Variants in AGPS observed in about 807,000 individuals in gnomAD.
AGPS encodes the protein alkylglycerone phosphate synthase.
In AGPS, 26 loss-of-function variants were observed where a neutral mutation model predicts 90.7. The ratio of observed to expected loss-of-function variants is 0.29; its 90% CI spans 0.21 to 0.40. The LOEUF (loss-of-function observed/expected upper bound fraction) is 0.40. Ranked by LOEUF, AGPS falls within the 10% of genes least tolerant of loss-of-function variation. The pLI is 1.00. For missense variants in AGPS, 540 were observed against 816.1 expected (o/e 0.66, Z 4.12); for synonymous variants, 294 against 285.3 (o/e 1.03, Z -0.31).
intron 8 of AGPS, among the ~76,000 whole-genome samples, chr2:177,459,131 A>T (rs1393508569): frequency 6.6e-6 from 1 of 152,216 alleles, no homozygotes; most frequent in Non-Finnish European, 1.5e-5. Context: ...CAGAAAACTG[A>T]AACTGGACCC....
intron 1 of AGPS, among the ~76,000 whole-genome samples, chr2:177,415,847 A>G (rs1250234020): frequency 6.6e-6 from 1 of 152,158 alleles, no homozygotes; most frequent in Non-Finnish European, 1.5e-5. Flanking sequence ...TCTCTAGGAA[A>G]TCACAATATT....
intron 9 of AGPS, among the ~76,000 whole-genome samples, chr2:177,464,973 AT>A (rs1357699353): frequency 6.6e-6 from 1 of 152,232 alleles, no homozygotes; most frequent in African/African-American, 2.4e-5. Flanking sequence ...TTAGAAACTT[AT>A]TTTTTATTTA....
At chr2:177,501,517 A>G (rs1349016184) in intron 14 of AGPS, among the ~76,000 whole-genome samples, 1 of 152,192 alleles carries the variant, frequency 6.6e-6, no homozygotes, top group Admixed American at 6.5e-5. Context: ...TAATTGTTGA[A>G]TGAATGAATG....
At chr2:177,462,418 A>G (rs1408609655) in intron 9 of AGPS, among the ~76,000 whole-genome samples, 1 of 151,480 alleles carries the variant, frequency 6.6e-6, no homozygotes, top group Non-Finnish European at 1.5e-5. Context: ...AAAAAGAAAA[A>G]GAGTTGGATG....
At chr2:177,488,358 G>A (rs1051367397) in intron 11 of AGPS, among the ~76,000 whole-genome samples, 4 of 151,752 alleles carry the variant, frequency 2.6e-5, no homozygotes, top group East Asian at 3.9e-4. Context: ...GACTACAGGC[G>A]CCCGCCACCA....
intron 17 of AGPS, among the ~76,000 whole-genome samples, chr2:177,514,884 T>C (rs1688979292): frequency 6.6e-6 from 1 of 152,070 alleles, no homozygotes; most frequent in Non-Finnish European, 1.5e-5. Context: ...AGTAGCCGTT[T>C]CTGCTTCTGT....
intron 1 of AGPS, among the ~76,000 whole-genome samples, chr2:177,412,654 C>T (rs114781683): frequency 0.021 from 3,222 of 152,206 alleles, 51 homozygotes; most frequent in Non-Finnish European, 0.031. Context: ...CAAAATGTTA[C>T]CAGGGTGTCC....
intron 8 of AGPS, among the ~76,000 whole-genome samples, chr2:177,453,848 C>T (rs539438570): frequency 2.7e-5 from 4 of 146,768 alleles, no homozygotes; most frequent in South Asian, 2.2e-4. Flanking sequence ...CCACCATGCC[C>T]GGCTAATTTT....
rs1686575547 is a variant in AGPS at position 177,440,657 on chromosome 2, A to G, written c.638-308A>G. ...TTGAATAAGGTCTGTAGATTAGTTT[A>G]TTGTATTGTATCAGTGTTGATTGCT... On this transcript the variant is annotated intron_variant, in intron 5 of 19. Transcript: ENST00000264167. Among the ~76,000 whole-genome samples the G allele has an allele frequency of 1.3e-5, 2 of 152,270 alleles. 1 individual carries two copies. The highest frequency in any genetic ancestry group is 4.1e-4 in the South Asian group (2 of 4,828).
At chr2:177,537,793 A>C (rs570509221) in intron 19 of AGPS, among the ~76,000 whole-genome samples, 50 of 152,152 alleles carry the variant, frequency 3.3e-4, no homozygotes, top group African/African-American at 1.1e-3. Context: ...TCATTTTGTT[A>C]TTTGTAAAAT....
chr2:177,411,908 G>A (rs925857915), intron 1 of AGPS, among the ~76,000 whole-genome samples: 3 of 152,122 alleles, frequency 2.0e-5, no homozygotes, highest in Admixed American at 6.5e-5. Context: ...GGTAGAAATC[G>A]GGGGAGGAGA....
chr2:177,436,048 T>C (rs1686398482), intron 3 of AGPS, among the ~76,000 whole-genome samples: 1 of 152,124 alleles, frequency 6.6e-6, no homozygotes, highest in Non-Finnish European at 1.5e-5. Context: ...TTGTGAGTTT[T>C]AAAGCAGCTC....
intron 7 of AGPS, among the ~76,000 whole-genome samples, chr2:177,445,254 TAGAC>T (rs1206766682): frequency 2.0e-5 from 3 of 152,254 alleles, no homozygotes; most frequent in African/African-American, 7.2e-5. Flanking sequence ...ACAATAAGCT[TAGAC>T]AGTTAAATAA....
At chr2:177,492,092 A>G (rs1455501898) in intron 11 of AGPS, among the ~76,000 whole-genome samples, 1 of 151,722 alleles carries the variant, frequency 6.6e-6, no homozygotes, top group Non-Finnish European at 1.5e-5. Flanking sequence ...ATCCCCTCCC[A>G]TTTTCTGATA....
chr2:177,513,973 G>A, intron 17 of AGPS, 65 bp downstream of exon 17: 6 of 1,230,716 alleles, frequency 4.9e-6, no homozygotes, highest in Non-Finnish European at 7.2e-6. Context: ...AATCAAGGGG[G>A]GGAATATAAT....
intron 19 of AGPS, among the ~76,000 whole-genome samples, chr2:177,526,197 ACAAAG>A (rs2079086113): frequency 6.6e-6 from 1 of 151,942 alleles, no homozygotes; most frequent in Non-Finnish European, 1.5e-5. Flanking sequence ...ATTCTTGATC[ACAAAG>A]CAAATAATGT....
At position 177,420,318 on chromosome 2, in the gene AGPS, A is replaced by T; in HGVS notation, c.310A>T (p.Ile104Phe). The part of the protein sequence containing the change: ...NGWGYNDSKF[I>F]FNKKGQIELT... ...ATGGGGATATAATGATTCTAAATTC[A>T]TCTTCAATAAGAAGGGCCAAATTGA... is the stretch of plus-strand genomic sequence containing the variant. Residue 104 changes from isoleucine (I) to phenylalanine (F), a missense_variant, in exon 2 of 20, where the codon ATC becomes TTC. Physicochemically the swap from Ile to Phe is conservative, Grantham distance 21. Coordinates refer to ENST00000264167, the MANE Select transcript of AGPS (RefSeq NM_003659.4). 6.2e-7 allele frequency: 1 copy of T among 1,610,954 alleles called. No homozygotes were observed. The highest frequency in any genetic ancestry group is 2.2e-5 in the East Asian group (1 of 44,690).
chr2:177,497,881 A>T, intron 13 of AGPS, 116 bp downstream of exon 13: 1 of 423,132 alleles, frequency 2.4e-6, no homozygotes, highest in Non-Finnish European at 4.3e-6. Flanking sequence ...TACATTTCAG[A>T]ATTACAGTTT....
chr2:177,492,388 G>T (rs1688289576), intron 11 of AGPS, among the ~76,000 whole-genome samples: 1 of 152,122 alleles, frequency 6.6e-6, no homozygotes, highest in Non-Finnish European at 1.5e-5. Flanking sequence ...CCCACTTTAT[G>T]AAAAACATTT....
Sources: gnomAD v4.1 joint callset for allele counts (sites outside exome capture counted in the v4.1 genomes callset) on GRCh38, gnomAD v4.1.1 for gene constraint, MANE v1.5 for transcripts, NCBI Gene and HGNC (gene_info 2026-07-23, HGNC 2026-07-21) for gene names.